Variants in TRAK1 observed in about 807,000 individuals in gnomAD.
The protein encoded by TRAK1 is trafficking kinesin-binding protein 1.
A neutral mutation model predicts 92.1 loss-of-function variants in TRAK1; 33 were observed. That is an observed-to-expected ratio of 0.36 (90% CI 0.27 to 0.48). The LOEUF (loss-of-function observed/expected upper bound fraction) is 0.48, where lower values mean the gene tolerates loss of function less well. TRAK1 is among the 20% of genes least tolerant of loss of function. The probability of loss-of-function intolerance (pLI) is 0.99; values close to 1 mark genes in which losing one functional copy is unlikely to be tolerated. For missense variants in TRAK1, 1,123 were observed against 1,257.9 expected, an observed-to-expected ratio of 0.89 and a Z score of 1.62; for synonymous variants, 521 against 517.3, an observed-to-expected ratio of 1.01 and a Z score of -0.10.
chr3:42,206,723 T>C (rs1456586104), intron 13 of TRAK1, among the ~76,000 whole-genome samples: 1 of 152,248 alleles, frequency 6.6e-6, no homozygotes, highest in Non-Finnish European at 1.5e-5. Context: ...CTGAGCATGA[T>C]GCGTCTTTTC....
intron 13 of TRAK1, chr3:42,203,532 A>G (rs1707956862): frequency 2.0e-6 from 2 of 977,526 alleles, no homozygotes; most frequent in Admixed American, 6.5e-5. Flanking sequence ...GGCACTTATA[A>G]AATGTTTTCC....
At chr3:42,168,729 A>G (rs1189670708) in intron 2 of TRAK1, among the ~76,000 whole-genome samples, 1 of 151,854 alleles carries the variant, frequency 6.6e-6, no homozygotes, top group Non-Finnish European at 1.5e-5. Flanking sequence ...ATGCCACCAC[A>G]TCTGGCTAAT....
intron 1 of TRAK1, among the ~76,000 whole-genome samples, chr3:42,081,713 A>G (rs1391721791): frequency 6.6e-6 from 1 of 152,210 alleles, no homozygotes; most frequent in Non-Finnish European, 1.5e-5. Flanking sequence ...CTATAGTAGA[A>G]CCAAGAAAGG....
rs983801236 is a variant in TRAK1 at position 42,189,273 on chromosome 3, A to G, written c.690+149A>G. 7.9e-6 allele frequency: 5 copies of G among 631,508 alleles called. No homozygotes were observed. The Admixed American group carries it at 1.0e-4, about 13-fold the overall frequency. 39.1% of individuals were successfully genotyped at this position (631,508 alleles called of 1,614,324 possible). A position where few individuals can be genotyped will look rare whatever the true frequency, so the allele number is the denominator to read the frequency against. On this transcript the variant is annotated intron_variant, in intron 6 of 15. Transcript: ENST00000327628. ...GGCGCTCGGCAGATGTGCCTCCTCT[A>G]TGCTCTGGGCACTGCCTTCCAGCCC...
chr3:42,100,906 G>T (rs1706660782), intron 1 of TRAK1, among the ~76,000 whole-genome samples: 1 of 152,322 alleles, frequency 6.6e-6, no homozygotes, highest in South Asian at 2.1e-4. Flanking sequence ...GACCTCAGGT[G>T]ATCCACCCGC....
At chr3:42,151,900 G>C (rs187866739) in intron 2 of TRAK1, among the ~76,000 whole-genome samples, 5 of 152,236 alleles carry the variant, frequency 3.3e-5, no homozygotes, top group Non-Finnish European at 4.4e-5. Context: ...CAGAACTTTT[G>C]ATACTAATAA....
intron 2 of TRAK1, among the ~76,000 whole-genome samples, chr3:42,168,289 G>A (rs1702122537): frequency 6.6e-6 from 1 of 152,168 alleles, no homozygotes; most frequent in Non-Finnish European, 1.5e-5. Flanking sequence ...GTGGACCCAA[G>A]GAAGTCCAAG....
In TRAK1 at chr3:42,225,009, A is replaced by G. The variant is rs1710663308; in HGVS notation, c.*1272A>G. The G allele has an allele frequency of 6.6e-6, 1 of 152,214 alleles. No homozygotes were observed. Among genetic ancestry groups the G allele is most frequent in the Admixed American group, 6.5e-5 (1 of 15,282 alleles). 9.4% of individuals were successfully genotyped at this position (152,214 alleles called of 1,614,324 possible). ...TAGGAAAAGATCCAGGTGCTTGTGA[A>G]AAGAATCATGAATGCAACAAGGGAG... is the stretch of plus-strand genomic sequence containing the variant. On this transcript the variant is annotated 3_prime_UTR_variant, in exon 16 of 16. Transcript: ENST00000327628.
intron 1 of TRAK1, among the ~76,000 whole-genome samples, chr3:42,109,900 T>A (rs116309848): frequency 1.3e-5 from 2 of 151,166 alleles, no homozygotes; most frequent in Non-Finnish European, 2.9e-5. Context: ...GGAATTGAAC[T>A]GTGAGAACAC....
At chr3:42,066,349 T>C (rs946752999) in intron 1 of TRAK1, among the ~76,000 whole-genome samples, 1 of 152,084 alleles carries the variant, frequency 6.6e-6, no homozygotes, top group African/African-American at 2.4e-5. Flanking sequence ...GTTTTAGTTG[T>C]GAAGGGGAAG....
chr3:42,058,516 G>A (rs1703291644), intron 1 of TRAK1, among the ~76,000 whole-genome samples: 1 of 152,146 alleles, frequency 6.6e-6, no homozygotes, highest in Admixed American at 6.5e-5. Flanking sequence ...ATTTTTTAAT[G>A]TATTTTTGGT....
At chr3:42,097,631 A>G (rs1273744050) in intron 1 of TRAK1, among the ~76,000 whole-genome samples, 1 of 152,228 alleles carries the variant, frequency 6.6e-6, no homozygotes, top group Non-Finnish European at 1.5e-5. Flanking sequence ...GATTGCCTCC[A>G]AAATTCTAAT....
intron 1 of TRAK1, among the ~76,000 whole-genome samples, chr3:42,106,799 A>C (rs1707629085): frequency 6.6e-6 from 1 of 152,114 alleles, no homozygotes; most frequent in African/African-American, 2.4e-5. Flanking sequence ...TTTTTGGATG[A>C]GTTTGAAATC....
chr3:42,160,535 T>C (rs1019100817), intron 2 of TRAK1: 119 of 1,550,844 alleles, frequency 7.7e-5, no homozygotes, highest in Non-Finnish European at 1.0e-4. Context: ...TAGGCTTGAA[T>C]GTTTTGCTGA....
At chr3:42,211,601 T>G (rs1709037448) in intron 14 of TRAK1, 1 of 985,400 alleles carries the variant, frequency 1.0e-6, no homozygotes, top group Non-Finnish European at 1.2e-6. Context: ...CCCTACAGCC[T>G]TACAGGTAGA....
At chr3:42,218,176 C>T (rs939549014) in intron 14 of TRAK1, 1 of 985,190 alleles carries the variant, frequency 1.0e-6, no homozygotes, top group Non-Finnish European at 1.2e-6. Context: ...TCTGTGTCTC[C>T]AGCATTTATT....
At chr3:42,184,839 C>T (rs1473858128) in intron 4 of TRAK1, 38 bp downstream of exon 4, 1 of 1,588,058 alleles carries the variant, frequency 6.3e-7, no homozygotes, top group East Asian at 2.2e-5. Flanking sequence ...GAGGGGCCCG[C>T]CACAGGCCTG....
At chr3:42,183,798 T>G (rs1001260631) in intron 3 of TRAK1, among the ~76,000 whole-genome samples, 1 of 152,320 alleles carries the variant, frequency 6.6e-6, no homozygotes, top group Admixed American at 6.5e-5. Context: ...TCTCCTCACC[T>G]TGCCAAAACC....
intron 1 of TRAK1, among the ~76,000 whole-genome samples, chr3:42,036,980 T>C (rs1268390311): frequency 6.6e-6 from 1 of 152,208 alleles, no homozygotes; most frequent in East Asian, 1.9e-4. Flanking sequence ...TCTCTGCTGC[T>C]TGAATCATCA....
Sources: gnomAD v4.1 joint callset for allele counts (sites outside exome capture counted in the v4.1 genomes callset) on GRCh38, gnomAD v4.1.1 for gene constraint, MANE v1.5 for transcripts, NCBI Gene and HGNC (gene_info 2026-07-23, HGNC 2026-07-21) for gene names.